USP7: variants seen among roughly 807,000 people sequenced by gnomAD.
USP7 encodes ubiquitin C-terminal hydrolase 7.
In USP7, 9 loss-of-function variants were observed where a neutral mutation model predicts 162.9. The ratio of observed to expected loss-of-function variants is 0.06; its 90% CI spans 0.03 to 0.10. The LOEUF is 0.10. USP7 is among the 10% of genes least tolerant of loss of function. The pLI is 1.00. For synonymous variants in USP7, 562 were observed against 475.9 expected, an observed-to-expected ratio of 1.18 and a Z score of -2.35; for missense variants, 715 against 1,373.7, an observed-to-expected ratio of 0.52 and a Z score of 7.58.
At chr16:8,909,054 C>T (rs754555695) in intron 11 of USP7, among the ~76,000 whole-genome samples, 26 of 152,226 alleles carry the variant, frequency 1.7e-4, no homozygotes, top group Non-Finnish European at 1.0e-4. Context: ...CAGCAAGGCC[C>T]TTCCCCAGCT....
At chr16:8,917,423 G>C (rs149638695) in intron 6 of USP7, among the ~76,000 whole-genome samples, 2 of 152,356 alleles carry the variant, frequency 1.3e-5, no homozygotes, top group African/African-American at 2.4e-5. Flanking sequence ...CTGTTGGCCA[G>C]GCTGAAGTGC....
intron 11 of USP7, among the ~76,000 whole-genome samples, chr16:8,909,671 T>C (rs56874411): frequency 0.055 from 8,348 of 152,280 alleles, 308 homozygotes; most frequent in Non-Finnish European, 0.082. Context: ...CTCATGCCTG[T>C]AATCCCAGCA....
At chr16:8,925,767 T>C (rs1173052641) in intron 2 of USP7, among the ~76,000 whole-genome samples, 2 of 152,234 alleles carry the variant, frequency 1.3e-5, no homozygotes, top group Admixed American at 6.5e-5. Context: ...AACAGACTTA[T>C]CAAATCTGCA....
At chr16:8,962,528 C>T (rs1009075978) in intron 1 of USP7, 6 of 447,648 alleles carry the variant, frequency 1.3e-5, no homozygotes, top group Non-Finnish European at 2.3e-5. Flanking sequence ...GCAGGGCTTT[C>T]GCACGGTTGC....
chr16:8,897,242 C>T (rs531616722), intron 25 of USP7, 143 bp from the exon 26 acceptor site: 3 of 649,124 alleles, frequency 4.6e-6, no homozygotes, highest in Non-Finnish European at 8.2e-6. Context: ...CCCACCCCAA[C>T]TCCCTCATCT....
chr16:8,910,639 C>G (rs894718662), intron 11 of USP7, 106 bp downstream of exon 11: 3 of 972,764 alleles, frequency 3.1e-6, no homozygotes, highest in Non-Finnish European at 3.1e-6. Flanking sequence ...TTCTAAATAC[C>G]AGAAACACAT....
Position 8,898,668 on chromosome 16 carries a change from T to C in USP7, c.2532-29A>G, listed in dbSNP as rs751273206. On this transcript the variant is annotated intron_variant, in intron 23 of 30. Transcript: ENST00000344836. ...CACAAGAAAACAGCATATAAATAAA[T>C]GACTTGTTTATTTGCCTAAAAACAA... 4.0e-6 allele frequency: 6 copies of C among 1,512,236 alleles called. No individual in the cohort carries two copies. The South Asian group carries it at 4.9e-5, about 12-fold the overall frequency. 93.7% of individuals were successfully genotyped at this position (1,512,236 alleles called of 1,614,324 possible). A position where few individuals can be genotyped will look rare whatever the true frequency, so the allele number is the denominator to read the frequency against.
chr16:8,897,536 G>C (rs1158278008), intron 25 of USP7, among the ~76,000 whole-genome samples: 1 of 151,204 alleles, frequency 6.6e-6, no homozygotes, highest in African/African-American at 2.4e-5. Flanking sequence ...TACTTGTAGA[G>C]CTAGAAAGGG....
chr16:8,957,865 A>C (rs1899873590), intron 1 of USP7, among the ~76,000 whole-genome samples: 2 of 152,208 alleles, frequency 1.3e-5, no homozygotes, highest in Admixed American at 1.3e-4. Context: ...AAGTCTATCA[A>C]TGTCTTTGTC....
chr16:8,920,873 C>A (rs372686526), intron 4 of USP7, among the ~76,000 whole-genome samples: 2 of 152,286 alleles, frequency 1.3e-5, no homozygotes, highest in African/African-American at 4.8e-5. Context: ...CAGTACTATG[C>A]CTGAATCATG....
intron 1 of USP7, among the ~76,000 whole-genome samples, chr16:8,937,378 C>A (rs543822122): frequency 6.6e-6 from 1 of 152,290 alleles, no homozygotes; most frequent in African/African-American, 2.4e-5. Flanking sequence ...CCCATCTCTA[C>A]TAAAAATACA....
rs1173046298 is a variant in USP7, at chr16:8,899,621, T to C, written c.2446A>G (p.Arg816Gly). The C allele has an allele frequency of 1.9e-6, 3 of 1,614,062 alleles. No homozygotes were observed. The highest frequency in any genetic ancestry group is 2.5e-6 in the Non-Finnish European group (3 of 1,179,994). ...TTAAATACCTGAAAATAATTCATTC[T>C]ATTTGATAACGTAACCACAAATCCA... ...DPGFVVTLSNRMNYFQVAKTV... is the reference protein window; with the variant it reads ...DPGFVVTLSNGMNYFQVAKTV... Residue 816 changes from arginine (R) to glycine (G), a missense_variant, in exon 22 of 31, where the codon AGA becomes GGA. Physicochemically the swap from Arg to Gly is moderately radical, Grantham distance 125. Around this residue, in one of 11 missense-constraint regions of USP7, gnomAD observed 222 missense variants for 441.7 expected, o/e 0.50. Transcript: ENST00000344836.
intron 2 of USP7, among the ~76,000 whole-genome samples, chr16:8,927,834 T>C (rs1898096701): frequency 6.6e-6 from 1 of 151,970 alleles, no homozygotes; most frequent in African/African-American, 2.4e-5. Context: ...AGAACCTATC[T>C]CAAAATAAAA....
intron 1 of USP7, among the ~76,000 whole-genome samples, chr16:8,959,745 TCA>T (rs1161138161): frequency 6.6e-6 from 1 of 152,172 alleles, no homozygotes; most frequent in Non-Finnish European, 1.5e-5. Flanking sequence ...TCAAGAGAAC[TCA>T]CATTCTACTC....
chr16:8,955,080 C>T (rs534776158), intron 1 of USP7, among the ~76,000 whole-genome samples: 1 of 152,168 alleles, frequency 6.6e-6, no homozygotes, highest in Non-Finnish European at 1.5e-5. Flanking sequence ...TCACCTATAC[C>T]CACTTTCTAT....
intron 22 of USP7, 37 bp from the exon 23 acceptor site, chr16:8,899,225 A>C: frequency 6.2e-7 from 1 of 1,608,272 alleles, no homozygotes; most frequent in Non-Finnish European, 8.5e-7. Context: ...TTTTGGGGAA[A>C]AATTGAAACT....
chr16:8,961,563 GGTCT>G (rs1178359752), intron 1 of USP7, among the ~76,000 whole-genome samples: 1 of 148,094 alleles, frequency 6.8e-6, no homozygotes, highest in Non-Finnish European at 1.5e-5. Flanking sequence ...CAAAGATACA[GGTCT>G]GTAACACACA....
chr16:8,936,947 C>T (rs1391125858), intron 1 of USP7, among the ~76,000 whole-genome samples: 1 of 152,134 alleles, frequency 6.6e-6, no homozygotes, highest in Non-Finnish European at 1.5e-5. Context: ...AAATTGTTAA[C>T]AACCCGAGAA....
chr16:8,919,636 G>T (rs993727429), intron 5 of USP7, among the ~76,000 whole-genome samples: 1 of 151,806 alleles, frequency 6.6e-6, no homozygotes, highest in East Asian at 1.9e-4. Context: ...GGTTGTTTGG[G>T]AGCAAGATAA....
Sources: gnomAD v4.1 joint callset for allele counts (sites outside exome capture counted in the v4.1 genomes callset) on GRCh38, gnomAD v4.1.1 for gene constraint, gnomAD v4.1.1 regional missense constraint, MANE v1.5 for transcripts, NCBI Gene and HGNC (gene_info 2026-07-23, HGNC 2026-07-21) for gene names.